EXT1: variants seen among roughly 807,000 people sequenced by gnomAD.
EXT1 encodes exostosin glycosyltransferase 1.
A neutral mutation model predicts 82.5 loss-of-function variants in EXT1; 20 were observed. The ratio of observed to expected loss-of-function variants is 0.24; its 90% confidence interval spans 0.17 to 0.35. The LOEUF (loss-of-function observed/expected upper bound fraction) is 0.35. EXT1 is among the 10% of genes least tolerant of loss of function. EXT1 has a pLI of 1.00. For missense variants in EXT1, 757 were observed against 936.5 expected (o/e 0.81, Z 2.50); for synonymous variants, 348 against 350.8 (o/e 0.99, Z 0.09).
chr8:117,914,353 A>G (rs1044176335), intron 1 of EXT1, among the ~76,000 whole-genome samples: 6 of 152,328 alleles, frequency 3.9e-5, no homozygotes, highest in African/African-American at 1.4e-4. Flanking sequence ...TGTTAACGGT[A>G]TAAATTGATT....
intron 1 of EXT1, among the ~76,000 whole-genome samples, chr8:117,932,078 A>T (rs1477210562): frequency 1.3e-5 from 2 of 152,268 alleles, no homozygotes; most frequent in Admixed American, 1.3e-4. Context: ...ATTCGAAATT[A>T]CGTAGTTTTA....
At chr8:118,068,099 A>G in intron 1 of EXT1, among the ~76,000 whole-genome samples, 1 of 152,286 alleles carries the variant, frequency 6.6e-6, no homozygotes, top group Middle Eastern at 3.4e-3. Flanking sequence ...TGGAAATGTT[A>G]TTATTCTCAT....
chr8:117,875,143 G>A (rs1457773279), intron 1 of EXT1, among the ~76,000 whole-genome samples: 2 of 152,114 alleles, frequency 1.3e-5, no homozygotes, highest in African/African-American at 2.4e-5. Flanking sequence ...GGGGCCAGGC[G>A]CCGTGGCTCA....
intron 1 of EXT1, among the ~76,000 whole-genome samples, chr8:117,889,529 C>G (rs1813205590): frequency 6.6e-6 from 1 of 152,088 alleles, no homozygotes; most frequent in South Asian, 2.1e-4. Context: ...TGTACAGAGC[C>G]TGGATCAGGG....
chr8:117,867,416 A>C (rs754813886), intron 1 of EXT1, among the ~76,000 whole-genome samples: 24 of 152,258 alleles, frequency 1.6e-4, no homozygotes, highest in Non-Finnish European at 2.6e-4. Context: ...TCCATGGGCA[A>C]TTCCATTTTT....
chr8:118,061,739 T>C (rs1025576279), intron 1 of EXT1, among the ~76,000 whole-genome samples: 1 of 152,238 alleles, frequency 6.6e-6, no homozygotes, highest in Non-Finnish European at 1.5e-5. Context: ...GTTTAGTTGG[T>C]AAGCCAAATA....
chr8:117,945,032 G>A (rs893748380), intron 1 of EXT1, among the ~76,000 whole-genome samples: 2 of 152,110 alleles, frequency 1.3e-5, no homozygotes, highest in African/African-American at 2.4e-5. Flanking sequence ...CGCGGTGGTG[G>A]GCGCCTGTAG....
chr8:118,076,365 T>G (rs900291349), intron 1 of EXT1, among the ~76,000 whole-genome samples: 7 of 152,242 alleles, frequency 4.6e-5, no homozygotes, highest in African/African-American at 1.7e-4. Context: ...GTAGATATAA[T>G]TGGCTGGTTT....
chr8:117,833,741 A>G (rs546497237), intron 3 of EXT1, among the ~76,000 whole-genome samples: 2 of 152,328 alleles, frequency 1.3e-5, no homozygotes, highest in South Asian at 4.1e-4. Flanking sequence ...AAGGAAAATT[A>G]TGGGTGGTGT....
At chr8:117,814,234 GGT>G (rs57727618) in intron 7 of EXT1, among the ~76,000 whole-genome samples, 7,353 of 146,612 alleles carry the variant, frequency 0.05, 607 homozygotes, top group African/African-American at 0.17. Context: ...CACACACAGT[GGT>G]GTGTGTGTGT....
chr8:117,914,587 C>T (rs1194777030), intron 1 of EXT1, among the ~76,000 whole-genome samples: 1 of 151,972 alleles, frequency 6.6e-6, no homozygotes, highest in African/African-American at 2.4e-5. Context: ...ATATTAATGC[C>T]CTGGGAAAGG....
chr8:117,847,857 C>T (rs534783375), intron 1 of EXT1, among the ~76,000 whole-genome samples: 1 of 151,972 alleles, frequency 6.6e-6, no homozygotes, highest in East Asian at 2.0e-4. Flanking sequence ...ATCCTTTTGT[C>T]TGGCCCCTGC....
At chr8:117,899,326 G>A (rs1563595097) in intron 1 of EXT1, among the ~76,000 whole-genome samples, 1 of 152,188 alleles carries the variant, frequency 6.6e-6, no homozygotes, top group Non-Finnish European at 1.5e-5. Context: ...ACTAGCTATA[G>A]GAGGAAAACA....
At chr8:117,964,763 G>A (rs183381287) in intron 1 of EXT1, among the ~76,000 whole-genome samples, 54 of 152,136 alleles carry the variant, frequency 3.5e-4, no homozygotes, top group African/African-American at 1.1e-3. Flanking sequence ...TCAGCCTCCC[G>A]AGTAGCTAGG....
chr8:118,068,037 T>A (rs187171799), intron 1 of EXT1, among the ~76,000 whole-genome samples: 24 of 152,326 alleles, frequency 1.6e-4, no homozygotes, highest in Admixed American at 1.4e-3. Flanking sequence ...CCCCACTATA[T>A]ATCTAGAGCT....
intron 1 of EXT1, among the ~76,000 whole-genome samples, chr8:117,843,896 C>T (rs1326802213): frequency 2.0e-5 from 3 of 152,112 alleles, no homozygotes; most frequent in Non-Finnish European, 4.4e-5. Context: ...TCAGCCCATA[C>T]AACATGCAGT....
chr8:117,826,755 G>C (rs369387227), intron 4 of EXT1, among the ~76,000 whole-genome samples: 216 of 152,090 alleles, frequency 1.4e-3, no homozygotes, highest in African/African-American at 4.9e-3. Flanking sequence ...CTATAAATTC[G>C]AATGAAGTGT....
At chr8:118,006,343 T>C (rs1166690465) in intron 1 of EXT1, among the ~76,000 whole-genome samples, 2 of 152,202 alleles carry the variant, frequency 1.3e-5, no homozygotes, top group African/African-American at 4.8e-5. Context: ...GTAAAAAATG[T>C]CAGAATTATA....
intron 1 of EXT1, among the ~76,000 whole-genome samples, chr8:118,101,412 T>G (rs1264383112): frequency 1.3e-5 from 2 of 152,236 alleles, no homozygotes; most frequent in African/African-American, 4.8e-5. Flanking sequence ...TCCTTTACAC[T>G]TAAAATCCCA....
Sources: allele counts gnomAD v4.1 joint callset (sites outside exome capture counted in the v4.1 genomes callset), GRCh38; gene constraint gnomAD v4.1.1; transcripts MANE v1.5; gene names NCBI Gene and HGNC (gene_info 2026-07-23, HGNC 2026-07-21).